Variants in CPNE7 observed in about 807,000 individuals in gnomAD.
CPNE7 encodes the protein copine-7.
Under a neutral mutation model 66.5 loss-of-function variants are expected in CPNE7, and 78 were observed. The observed-to-expected ratio is 1.17, with a 90% CI of 0.98 to 1.42. The LOEUF is 1.42. Ranked by LOEUF, CPNE7 falls within the 40% of genes most tolerant of loss-of-function variation. The pLI is 0.00. For synonymous variants in CPNE7, 468 were observed against 336.7 expected, an observed-to-expected ratio of 1.39 and a Z score of -4.27; for missense variants, 1,012 against 776.6, an observed-to-expected ratio of 1.30 and a Z score of -3.60.
chr16:89,591,465 G>A (rs1049414769), intron 13 of CPNE7, among the ~76,000 whole-genome samples: 3 of 152,210 alleles, frequency 2.0e-5, no homozygotes, highest in Admixed American at 6.5e-5. Context: ...GCTGTCCATC[G>A]CCTCACACGG....
chr16:89,585,043 G>C (rs1382637093), intron 5 of CPNE7, among the ~76,000 whole-genome samples, 186 bp downstream of exon 5: 3 of 152,206 alleles, frequency 2.0e-5, no homozygotes, highest in Non-Finnish European at 4.4e-5. Flanking sequence ...GGCCGTGGCT[G>C]TGGCCAGAAT....
intron 13 of CPNE7, among the ~76,000 whole-genome samples, chr16:89,593,867 G>A (rs2059212052): frequency 6.6e-6 from 1 of 152,212 alleles, no homozygotes; most frequent in African/African-American, 2.4e-5. Flanking sequence ...ATTGCGTTCA[G>A]CTGTTATGTT....
At position 89,596,735 on chromosome 16, in the gene CPNE7, C is replaced by T. The variant is rs908976609; in HGVS notation, c.*114C>T. The T allele has an allele frequency of 4.1e-6, 5 of 1,223,278 alleles. No individual in the cohort carries two copies. The highest frequency in any genetic ancestry group is 1.6e-5 in the African/African-American group (1 of 63,290). 75.8% of individuals were successfully genotyped at this position (1,223,278 alleles called of 1,614,324 possible). ...CGACCTCCCAGAAGCCTCCAGTCCC[C>T]ACCAGGCCCCACTCCCAGTCCTCCT... On this transcript the variant is annotated 3_prime_UTR_variant, in exon 15 of 15. Transcript: ENST00000319518.
At chr16:89,590,872 G>A in intron 11 of CPNE7, 135 bp from the exon 12 acceptor site, 1 of 812,774 alleles carries the variant, frequency 1.2e-6, no homozygotes, top group Non-Finnish European at 1.9e-6. Context: ...CGGGGGACAT[G>A]AGGGCGGGGA....
At chr16:89,583,056 G>C (rs998147128) in intron 2 of CPNE7, among the ~76,000 whole-genome samples, 10 of 152,240 alleles carry the variant, frequency 6.6e-5, no homozygotes, top group African/African-American at 2.4e-4. Context: ...TAGCCGATGG[G>C]GCGGAAGTCC....
intron 10 of CPNE7, 28 bp downstream of exon 10, chr16:89,588,836 C>T (rs571575433): frequency 1.2e-6 from 2 of 1,608,644 alleles, no homozygotes; most frequent in Non-Finnish European, 1.7e-6. Flanking sequence ...CCCTCACCCC[C>T]TGGTCTCCAG....
chr16:89,586,970 C>A, intron 8 of CPNE7, 73 bp from the exon 9 acceptor site: 1 of 1,452,258 alleles, frequency 6.9e-7, no homozygotes, highest in Non-Finnish European at 9.5e-7. Flanking sequence ...CTGCGGGAGG[C>A]AGGCCTGGAT....
At position 89,591,276 on chromosome 16, in the gene CPNE7, G is replaced by C. The variant is rs1187645302; in HGVS notation, c.1302+16G>C. 3 of 1,556,190 alleles carry C rather than the reference G, an allele frequency of 1.9e-6. No individual in the cohort carries two copies. The highest frequency in any genetic ancestry group is 4.6e-5 in the East Asian group (2 of 43,348). On this transcript the variant is annotated intron_variant, in intron 13 of 14. Transcript: ENST00000319518. ...GAAAGCCTCTGTAGGTGCCCGGGGG[G>C]TGTGGTGCATGCTTGGTGTGGGGTC...
chr16:89,577,814 C>G, intron 2 of CPNE7, 93 bp downstream of exon 2: 1 of 1,310,418 alleles, frequency 7.6e-7, no homozygotes, highest in Non-Finnish European at 1.0e-6. Flanking sequence ...AGGGACCCTG[C>G]TGGGGTGGCC....
Position 89,576,079 on chromosome 16 carries a change from C to T in CPNE7, c.174+8C>T. On this transcript the variant is annotated splice_region_variant and intron_variant, in intron 1 of 14. Transcript: ENST00000319518. ...CAGGGCCAGTGGGTGCAGGTAGGGC[C>T]GGGGCGTGGGAGGCCGAGAGGCCAC... 1.6e-6 allele frequency: 2 copies of T among 1,259,674 alleles called. No individual in the cohort carries two copies. The highest frequency in any genetic ancestry group is 5.7e-5 in the South Asian group (2 of 34,868). 78.0% of individuals were successfully genotyped at this position (1,259,674 alleles called of 1,614,324 possible).
chr16:89,589,881 C>G lies in CPNE7; in HGVS notation c.1062-16C>G. 2 of 1,613,642 alleles carry G rather than the reference C, an allele frequency of 1.2e-6. No homozygotes were observed. The highest frequency in any genetic ancestry group is 1.7e-6 in the Non-Finnish European group (2 of 1,179,920). On this transcript the variant is annotated splice_polypyrimidine_tract_variant and intron_variant, in intron 10 of 14. Coordinates refer to ENST00000319518, the MANE Select transcript of CPNE7 (RefSeq NM_153636.3). ...AGAGGTCAGGGCCTCCTGGTGACCTCCTGCCTCTCTTCCAGTGACAAGAGG... is the reference window on the plus strand; with the variant it reads ...AGAGGTCAGGGCCTCCTGGTGACCTGCTGCCTCTCTTCCAGTGACAAGAGG...
chr16:89,587,069 C>T lies in CPNE7; in HGVS notation c.894C>T (p.Asp298=). The change falls in exon 9 of 15, where the codon GAC becomes GAT. Residue 298 remains aspartate (D), a synonymous_variant. Transcript: ENST00000319518. ...LKFHRVYSFL[D]YIMGGCQIHF... ...TCCACAGGGTGTACTCCTTCCTGGA[C>T]TATATCATGGGCGGCTGCCAGATCC... 1.3e-6 allele frequency: 2 copies of T among 1,579,408 alleles called. No individual in the cohort carries two copies. Among genetic ancestry groups the T allele is most frequent in the Non-Finnish European group, 1.7e-6 (2 of 1,162,642 alleles).
intron 2 of CPNE7, 86 bp from the exon 3 acceptor site, chr16:89,583,598 CAGGACAGGCCTGA>C: frequency 1.2e-6 from 2 of 1,605,442 alleles, no homozygotes; most frequent in South Asian, 2.2e-5. Flanking sequence ...GATGGGGAGA[CAGGACAGGCCTGA>C]GAGTCCGGGT....
rs1338060207 is a variant in CPNE7 at position 89,595,504 on chromosome 16, G to T, written c.1440G>T (p.Met480Ile). ...VGVGNADFTD[M>I]QVLDGDDGVL... ...TGGGCAACGCCGACTTCACCGACAT[G>T]CAGGTCCTGGACGGCGACGACGGCG... Residue 480 changes from methionine to isoleucine, a missense_variant, in exon 14 of 15, where the codon ATG (methionine) becomes ATT (isoleucine). Coordinates refer to ENST00000319518, the MANE Select transcript of CPNE7 (RefSeq NM_153636.3). 6.2e-7 allele frequency: 1 copy of T among 1,612,660 alleles called. No homozygotes were observed. Among genetic ancestry groups the T allele is most frequent in the South Asian group, 1.1e-5 (1 of 91,062 alleles).
At position 89,595,389 on chromosome 16, in the gene CPNE7, TGACG is replaced by T; in HGVS notation, c.1331_1334del (p.Asp444AlafsTer3). ...CAGCAATACTACATCCTGCTGATCC[TGACG>T]GACGGCGTGGTGACCGACATGGCCG... On this transcript the variant is annotated frameshift_variant, in exon 14 of 15. Transcript: ENST00000319518. LOFTEE classifies it high-confidence loss of function. 6.3e-7 allele frequency: 1 copy of T among 1,586,992 alleles called. No homozygotes were observed. The highest frequency in any genetic ancestry group is 8.6e-7 in the Non-Finnish European group (1 of 1,162,996).
In CPNE7 at chr16:89,590,102, C is replaced by A. The variant is rs1240891228; in HGVS notation, c.1116+151C>A. On this transcript the variant is annotated intron_variant, in intron 11 of 14. Transcript: ENST00000319518. The stretch of plus-strand genomic sequence containing the variant: ...GGTGCAAAGCGGGAACCCCAGCCTT[C>A]TAGCCAGAGAGGCTGGCCTTTGGCC... 9.0e-6 allele frequency: 8 copies of A among 888,388 alleles called. 1 individual carries two copies. The South Asian group carries it at 1.4e-4, about 15-fold the overall frequency. 55.0% of individuals were successfully genotyped at this position (888,388 alleles called of 1,614,324 possible). A position where few individuals can be genotyped will look rare whatever the true frequency, so the allele number is the denominator to read the frequency against.
At chr16:89,581,425 G>A (rs527618565) in intron 2 of CPNE7, among the ~76,000 whole-genome samples, 8 of 152,282 alleles carry the variant, frequency 5.3e-5, no homozygotes, top group Admixed American at 1.3e-4. Context: ...CGCCTGGTTC[G>A]TCTCTTCTGG....
At chr16:89,579,582 C>G (rs987441132) in intron 2 of CPNE7, among the ~76,000 whole-genome samples, 1 of 150,946 alleles carries the variant, frequency 6.6e-6, no homozygotes, top group African/African-American at 2.4e-5. Context: ...TCACATCTCA[C>G]CCGTCACACA....
intron 14 of CPNE7, 30 bp from the exon 15 acceptor site, chr16:89,596,454 C>T: frequency 6.3e-7 from 1 of 1,591,510 alleles, no homozygotes; most frequent in East Asian, 2.2e-5. Context: ...TCGAAGGTCC[C>T]AGAGGTAACT....
Sources: gnomAD v4.1 joint callset for allele counts (sites outside exome capture counted in the v4.1 genomes callset) on GRCh38, gnomAD v4.1.1 for gene constraint, MANE v1.5 for transcripts, NCBI Gene and HGNC (gene_info 2026-07-23, HGNC 2026-07-21) for gene names.